The following TAFA2 variants were observed in gnomAD, a reference collection of about 807,000 sequenced individuals.
TAFA2 encodes the protein TAFA chemokine like family member 2.
Under a neutral mutation model 18.8 loss-of-function variants are expected in TAFA2, and 7 were observed. The ratio of observed to expected loss-of-function variants is 0.37; its 90% CI spans 0.21 to 0.70. The LOEUF (loss-of-function observed/expected upper bound fraction) is 0.70, where lower values mean the gene tolerates loss of function less well. Among genes scored for constraint, TAFA2 ranks in the 30% least tolerant of loss-of-function variants. The pLI, the probability that TAFA2 is intolerant of heterozygous loss-of-function variation, is 0.53. For missense variants in TAFA2, 122 were observed against 158.1 expected, an observed-to-expected ratio of 0.77 and a Z score of 1.23; for synonymous variants, 60 against 54.2, an observed-to-expected ratio of 1.11 and a Z score of -0.47.
chr12:61,924,551 T>C (rs1193391597), intron 1 of TAFA2, among the ~76,000 whole-genome samples: 7 of 152,150 alleles, frequency 4.6e-5, no homozygotes. Context: ...AGAGATTTTG[T>C]CACCACCAGG....
At chr12:62,158,151 T>C (rs1174703440) in intron 1 of TAFA2, among the ~76,000 whole-genome samples, 1 of 152,208 alleles carries the variant, frequency 6.6e-6, no homozygotes, top group Admixed American at 6.5e-5. Flanking sequence ...CATTCTATAC[T>C]TTGTATAATC....
At chr12:62,159,756 G>T (rs2062393911) in intron 1 of TAFA2, among the ~76,000 whole-genome samples, 1 of 152,160 alleles carries the variant, frequency 6.6e-6, no homozygotes, top group African/African-American at 2.4e-5. Context: ...ATATGGTACA[G>T]TGTATACTGC....
intron 1 of TAFA2, among the ~76,000 whole-genome samples, chr12:62,134,049 C>T (rs1237301082): frequency 6.6e-6 from 1 of 151,904 alleles, no homozygotes; most frequent in Non-Finnish European, 1.5e-5. Flanking sequence ...TTTTCTGAGG[C>T]ATGGCCTCTG....
chr12:61,748,432 C>T (rs1309541690), intron 4 of TAFA2, among the ~76,000 whole-genome samples: 3 of 152,058 alleles, frequency 2.0e-5, no homozygotes. Context: ...CAAGAAAGAA[C>T]CACACTATTC....
intron 1 of TAFA2, among the ~76,000 whole-genome samples, chr12:61,935,507 C>T (rs946549446): frequency 2.0e-5 from 3 of 152,188 alleles, no homozygotes; most frequent in African/African-American, 7.2e-5. Context: ...AATATACCAT[C>T]AACTCTAATT....
chr12:61,749,109 T>TAA (rs34814133), intron 4 of TAFA2, among the ~76,000 whole-genome samples: 13 of 122,192 alleles, frequency 1.1e-4, no homozygotes, highest in African/African-American at 4.0e-4. Context: ...TTACTAAAAA[T>TAA]AAAAAAAAAA....
chr12:61,936,321 C>G (rs1050149750), intron 1 of TAFA2, among the ~76,000 whole-genome samples: 4 of 152,106 alleles, frequency 2.6e-5, no homozygotes, highest in Non-Finnish European at 4.4e-5. Flanking sequence ...AATCCCAGCA[C>G]TTTGGGAGGC....
chr12:62,056,563 C>G (rs1882192969), intron 1 of TAFA2, among the ~76,000 whole-genome samples: 1 of 152,166 alleles, frequency 6.6e-6, no homozygotes, highest in Admixed American at 6.5e-5. Context: ...CCACCAACCC[C>G]ACTTCCCACA....
At chr12:61,886,199 A>G (rs1875369404) in intron 1 of TAFA2, among the ~76,000 whole-genome samples, 1 of 152,146 alleles carries the variant, frequency 6.6e-6, no homozygotes, top group Non-Finnish European at 1.5e-5. Flanking sequence ...TAAAATTCAG[A>G]ATAAAAAATT....
At chr12:61,920,087 A>G (rs1026747878) in intron 1 of TAFA2, among the ~76,000 whole-genome samples, 1 of 152,228 alleles carries the variant, frequency 6.6e-6, no homozygotes, top group Non-Finnish European at 1.5e-5. Flanking sequence ...CAAATAAAAT[A>G]TTTATAGTGT....
intron 2 of TAFA2, among the ~76,000 whole-genome samples, chr12:61,775,766 A>AATGT (rs1286243701): frequency 6.6e-6 from 1 of 151,900 alleles, no homozygotes; most frequent in Non-Finnish European, 1.5e-5. Flanking sequence ...AGTTAATCCT[A>AATGT]ATGTAAGCTA....
intron 1 of TAFA2, among the ~76,000 whole-genome samples, chr12:62,178,211 G>C (rs986280770): frequency 1.3e-5 from 2 of 152,066 alleles, no homozygotes. Context: ...GAGGCAGGAG[G>C]ATCACTTGAG....
At chr12:62,229,136 T>C (rs2062801055) in intron 1 of TAFA2, among the ~76,000 whole-genome samples, 1 of 152,182 alleles carries the variant, frequency 6.6e-6, no homozygotes, top group African/African-American at 2.4e-5. Context: ...TTTCGAAATA[T>C]ACTATTATGT....
chr12:61,841,187 A>G (rs913990518), intron 2 of TAFA2, among the ~76,000 whole-genome samples: 21 of 152,128 alleles, frequency 1.4e-4, no homozygotes, highest in Non-Finnish European at 2.9e-4. Context: ...TGCAATCACA[A>G]TGAGCACAAC....
At chr12:62,097,535 T>C (rs1455421492) in intron 1 of TAFA2, among the ~76,000 whole-genome samples, 2 of 152,210 alleles carry the variant, frequency 1.3e-5, no homozygotes, top group African/African-American at 4.8e-5. Flanking sequence ...TTGTAGGTCA[T>C]GTTAAATATT....
chr12:62,055,866 T>C (rs565523055), intron 1 of TAFA2, among the ~76,000 whole-genome samples: 1 of 152,308 alleles, frequency 6.6e-6, no homozygotes, highest in South Asian at 2.1e-4. Context: ...TGTGTGTGTA[T>C]GTTGGATTAC....
intron 1 of TAFA2, among the ~76,000 whole-genome samples, chr12:62,158,332 T>C (rs1565764419): frequency 6.6e-6 from 1 of 152,240 alleles, no homozygotes. Flanking sequence ...TCTCAGATCA[T>C]AAATGTAATT....
At chr12:61,897,480 T>A (rs929388715) in intron 1 of TAFA2, among the ~76,000 whole-genome samples, 1 of 152,108 alleles carries the variant, frequency 6.6e-6, no homozygotes, top group African/African-American at 2.4e-5. Context: ...TTGGGAAGCC[T>A]CAGGAAACTT....
At chr12:61,939,543 A>C (rs1227856428) in intron 1 of TAFA2, among the ~76,000 whole-genome samples, 1 of 152,198 alleles carries the variant, frequency 6.6e-6, no homozygotes, top group South Asian at 2.1e-4. Context: ...TCTACCCTTA[A>C]CTACTTGCAT....
Sources: allele counts gnomAD v4.1 joint callset (sites outside exome capture counted in the v4.1 genomes callset), GRCh38; gene constraint gnomAD v4.1.1; transcripts MANE v1.5; gene names NCBI Gene and HGNC (gene_info 2026-07-23, HGNC 2026-07-21).